PAX7: variants seen among roughly 807,000 people sequenced by gnomAD.
PAX7 encodes paired box protein Pax-7.
PAX7 carries 18 observed loss-of-function variants against 50.7 expected under a neutral mutation model. The observed-to-expected ratio is 0.36, with a 90% CI of 0.25 to 0.53. PAX7 has a LOEUF of 0.53. Among genes scored for constraint, PAX7 ranks in the 20% least tolerant of loss-of-function variants. The probability of loss-of-function intolerance (pLI) is 0.93; values close to 1 mark genes in which losing one functional copy is unlikely to be tolerated. For missense variants in PAX7, 644 were observed against 702.9 expected, an observed-to-expected ratio of 0.92 and a Z score of 0.95; for synonymous variants, 310 against 290.4, an observed-to-expected ratio of 1.07 and a Z score of -0.69.
chr1:18,640,374 G>A (rs1005970291), intron 4 of PAX7, among the ~76,000 whole-genome samples: 2 of 151,792 alleles, frequency 1.3e-5, no homozygotes, highest in Admixed American at 1.3e-4. Context: ...GGGAGCGAGT[G>A]AATAGGGGAA....
intron 7 of PAX7, among the ~76,000 whole-genome samples, chr1:18,712,316 C>CG (rs2089362961): frequency 6.6e-6 from 1 of 152,238 alleles, no homozygotes; most frequent in African/African-American, 2.4e-5. Context: ...GTTATTTCCC[C>CG]CCGGCAGCTC....
rs1376115069 is a variant in PAX7 at position 18,718,627 on chromosome 1, T to A, written c.1155+15331T>A. 3.3e-5 allele frequency among the ~76,000 whole-genome samples: 5 copies of A among 149,786 alleles called. No individual in the cohort carries two copies. The East Asian group carries it at 9.9e-4, about 30-fold the overall frequency. On this transcript the variant is annotated intron_variant, in intron 7 of 8. Transcript: ENST00000420770. ...TGGGGGTCCCTGTGCACCCCAATGG[T>A]ATCCACGCCTTGACCCTTCCTTTTT...
At chr1:18,689,816 C>A (rs914044345) in intron 4 of PAX7, among the ~76,000 whole-genome samples, 6 of 152,260 alleles carry the variant, frequency 3.9e-5, no homozygotes, top group Non-Finnish European at 7.3e-5. Flanking sequence ...GCCTGCAGTG[C>A]CCTTCCCTTC....
At chr1:18,676,926 GA>G (rs1456967625) in intron 4 of PAX7, among the ~76,000 whole-genome samples, 1 of 152,164 alleles carries the variant, frequency 6.6e-6, no homozygotes, top group East Asian at 1.9e-4. Context: ...TAGGGGTAGG[GA>G]AAATGCAGCT....
intron 4 of PAX7, among the ~76,000 whole-genome samples, chr1:18,648,473 C>G (rs1463982689): frequency 6.6e-6 from 1 of 151,718 alleles, no homozygotes; most frequent in African/African-American, 2.4e-5. Flanking sequence ...TCCCGAGTAG[C>G]TGGGACTACA....
chr1:18,713,045 G>A (rs546063711), intron 7 of PAX7, among the ~76,000 whole-genome samples: 129 of 152,212 alleles, frequency 8.5e-4, no homozygotes, highest in African/African-American at 3.0e-3. Flanking sequence ...TAACGCTACT[G>A]CCTTCAAGCC....
Position 18,636,056 on chromosome 1 carries a change from T to G in PAX7, c.452-181T>G, listed in dbSNP as rs1198886640. On this transcript the variant is annotated intron_variant, in intron 3 of 8. Transcript: ENST00000420770. This position sits in a 1 kb window ranked among gnomAD's most constrained non-coding sequence, Gnocchi z 5.1. Reference sequence around the variant, plus strand: ...GTGCCCGGGGTGTGAGTCAGGCTTCTCCAAGTGGATGCTGGTTATGGAGTA... The same window carrying G: ...GTGCCCGGGGTGTGAGTCAGGCTTCGCCAAGTGGATGCTGGTTATGGAGTA... Among the ~76,000 whole-genome samples, 2 of 152,108 alleles carry G rather than the reference T, an allele frequency of 1.3e-5. No individual in the cohort carries two copies. Among genetic ancestry groups the G allele is most frequent in the Admixed American group, 1.3e-4 (2 of 15,286 alleles).
chr1:18,653,156 T>C (rs1216259415), intron 4 of PAX7, among the ~76,000 whole-genome samples: 1 of 152,132 alleles, frequency 6.6e-6, no homozygotes, highest in African/African-American at 2.4e-5. Context: ...CAGGGAAGAT[T>C]CATTGAATCA....
intron 6 of PAX7, among the ~76,000 whole-genome samples, chr1:18,702,105 G>A (rs1215106707): frequency 3.3e-5 from 5 of 152,032 alleles, no homozygotes. Flanking sequence ...GGCTGAGGCG[G>A]GCGGATCTCT....
chr1:18,709,020 G>A (rs561963580), intron 7 of PAX7, among the ~76,000 whole-genome samples: 1 of 152,164 alleles, frequency 6.6e-6, no homozygotes, highest in African/African-American at 2.4e-5. Context: ...CTGCAGGCAG[G>A]GTGCCTTGTG....
In PAX7 at chr1:18,724,742, C is replaced by T. The variant is rs1278866643; in HGVS notation, c.1156-10890C>T. Among the ~76,000 whole-genome samples, 3 of 152,196 alleles carry T rather than the reference C, an allele frequency of 2.0e-5. No individual in the cohort carries two copies. In the East Asian group the frequency reaches 5.8e-4, roughly 29 times the overall value. ...GGGCAAATTATTTAGCTTTCTAGAG[C>T]CTCCGTTTCCTGATCTTGAAAATGG... On this transcript the variant is annotated intron_variant, in intron 7 of 8. Coordinates refer to ENST00000420770, the MANE Select transcript of PAX7 (RefSeq NM_001135254.2).
chr1:18,700,818 G>A lies in PAX7; in HGVS notation c.952G>A (p.Asp318Asn). 6.6e-7 allele frequency: 1 copy of A among 1,508,054 alleles called. No individual in the cohort carries two copies. The highest frequency in any genetic ancestry group is 8.9e-7 in the Non-Finnish European group (1 of 1,123,640). The allele number at this position is 1,508,054 out of a possible 1,614,324, so 93.4% of individuals were successfully genotyped here. A position where few individuals can be genotyped will look rare whatever the true frequency, so the allele number is the denominator to read the frequency against. Residue 318 changes from aspartate (D) to asparagine (N), a missense_variant and splice_region_variant, in exon 6 of 9, where the codon GAT (aspartate) becomes AAT (asparagine). Physicochemically the swap from Asp to Asn is conservative, Grantham distance 23. Coordinates refer to ENST00000420770, the MANE Select transcript of PAX7 (RefSeq NM_001135254.2). The surrounding 1 kb of genome is among the most constrained non-coding windows in gnomAD (Gnocchi z 4.8). ...STYPTTTISQ[D>N]GGSTVHRPQP... ...CTACCCCACCACCACCATCTCCCAA[G>A]GTGAGTGTCTTGGCCCCGTCCTGCC...
chr1:18,639,393 A>ATT (rs1477737811), intron 4 of PAX7, among the ~76,000 whole-genome samples: 1 of 89,026 alleles, frequency 1.1e-5, no homozygotes, highest in African/African-American at 7.6e-5. Flanking sequence ...GAGGCTGTTC[A>ATT]TATTTTTTTT....
rs922398649 is a variant in PAX7, at chr1:18,747,467, C to T, written c.*2538C>T. The T allele has an allele frequency of 1.8e-5, 4 of 220,382 alleles. No homozygotes were observed. The highest frequency in any genetic ancestry group is 5.8e-5 in the Admixed American group (1 of 17,318). 13.7% of individuals were successfully genotyped at this position (220,382 alleles called of 1,614,324 possible). A position where few individuals can be genotyped will look rare whatever the true frequency, so the allele number is the denominator to read the frequency against. On this transcript the variant is annotated 3_prime_UTR_variant, in exon 9 of 9. Transcript: ENST00000420770. Reference sequence around the variant, plus strand: ...GTTCTCTCTAAAACCCGTATATTAACGCATCTGGCCAACTTGGGTTATAAA... The same window carrying T: ...GTTCTCTCTAAAACCCGTATATTAATGCATCTGGCCAACTTGGGTTATAAA...
In PAX7 at chr1:18,634,886, C is replaced by T. The variant is rs1213229168; in HGVS notation, c.322-225C>T. Among the ~76,000 whole-genome samples the T allele has an allele frequency of 1.3e-5, 2 of 152,052 alleles. No individual in the cohort carries two copies. The highest frequency in any genetic ancestry group is 6.5e-5 in the Admixed American group (1 of 15,276). On this transcript the variant is annotated intron_variant, in intron 2 of 8. Coordinates refer to ENST00000420770, the MANE Select transcript of PAX7 (RefSeq NM_001135254.2). This position sits in a 1 kb window ranked among gnomAD's most constrained non-coding sequence, Gnocchi z 4.0. ...GGTCCTAATTAGAGTTTTTTATTGCCTATCCATGTCCCACCCCACCCCACC... is the reference window on the plus strand; with the variant it reads ...GGTCCTAATTAGAGTTTTTTATTGCTTATCCATGTCCCACCCCACCCCACC...
In PAX7 at chr1:18,635,616, GC is replaced by G. The variant is rs545849721; in HGVS notation, c.451+382del. Among the ~76,000 whole-genome samples the G allele has an allele frequency of 3.3e-5, 5 of 152,012 alleles. No homozygotes were observed. The South Asian group carries it at 1.0e-3, about 32-fold the overall frequency. On this transcript the variant is annotated intron_variant, in intron 3 of 8. Coordinates refer to ENST00000420770, the MANE Select transcript of PAX7 (RefSeq NM_001135254.2). Reference sequence around the variant, plus strand: ...ACCTAGAAAGCTGGATGATAAGAGAGCCCCCCTGGAGGCTTTTTCGGAGAAA... The same window carrying G: ...ACCTAGAAAGCTGGATGATAAGAGAGCCCCCTGGAGGCTTTTTCGGAGAAA...
At chr1:18,702,357 T>C (rs1187051329) in intron 6 of PAX7, among the ~76,000 whole-genome samples, 1 of 151,812 alleles carries the variant, frequency 6.6e-6, no homozygotes, top group Non-Finnish European at 1.5e-5. Flanking sequence ...AATTAAATTT[T>C]AAAAAAGATA....
chr1:18,712,308 T>C (rs1463023131), intron 7 of PAX7, among the ~76,000 whole-genome samples: 1 of 151,246 alleles, frequency 6.6e-6, no homozygotes, highest in African/African-American at 2.5e-5. Flanking sequence ...AACGCTCAGT[T>C]ATTTCCCCCC....
chr1:18,725,170 C>A lies in PAX7; in HGVS notation c.1156-10462C>A, dbSNP rs982245663. ...GCAAGCCGGGCCTGAGCTATCACGG[C>A]CCTGAGTCCTTAACACGTTGTGATA... On this transcript the variant is annotated intron_variant, in intron 7 of 8. Transcript: ENST00000420770. Among the ~76,000 whole-genome samples the A allele has an allele frequency of 7.2e-5, 11 of 152,160 alleles. No individual in the cohort carries two copies. In the South Asian group the frequency reaches 1.0e-3, roughly 14 times the overall value.
Sources: allele counts gnomAD v4.1 joint callset (sites outside exome capture counted in the v4.1 genomes callset), GRCh38; gene constraint gnomAD v4.1.1; non-coding constraint Gnocchi (gnomAD v3.1); transcripts MANE v1.5; gene names NCBI Gene and HGNC (gene_info 2026-07-23, HGNC 2026-07-21).